Variants in CSMD1 observed in about 807,000 individuals in gnomAD.
The protein encoded by CSMD1 is CUB and Sushi multiple domains 1, also known as CUB and sushi domain-containing protein 1.
In CSMD1, 213 loss-of-function variants were observed where a neutral mutation model predicts 417.5. The observed-to-expected ratio is 0.51, with a 90% CI of 0.46 to 0.57. The LOEUF is 0.57. CSMD1 is among the 20% of genes least tolerant of loss of function. The probability of loss-of-function intolerance (pLI) is 0.00; values close to 1 mark genes in which losing one functional copy is unlikely to be tolerated. For missense variants in CSMD1, 6,923 were observed against 4,529.7 expected (o/e 1.53, Z -15.17); for synonymous variants, 2,862 against 1,736.8 (o/e 1.65, Z -16.11).
intron 1 of CSMD1, among the ~76,000 whole-genome samples, chr8:4,776,552 A>C (rs982339017): frequency 1.3e-5 from 2 of 152,142 alleles, no homozygotes; most frequent in Non-Finnish European, 2.9e-5. Context: ...GTGAAATTCC[A>C]CTACGGGCTG....
rs571230145 is a variant in CSMD1 at position 3,435,459 on chromosome 8, C to T, written c.1562-25854G>A. ...TATTGAACACATCCCACTCTTAGAC[C>T]ACCACATTCTGTCCAATCCTTTCAG... On this transcript the variant is annotated intron_variant, in intron 12 of 69. Coordinates refer to ENST00000635120, the MANE Select transcript of CSMD1 (RefSeq NM_033225.6). 6.6e-5 allele frequency among the ~76,000 whole-genome samples: 10 copies of T among 152,178 alleles called. No individual in the cohort carries two copies. In the East Asian group the frequency reaches 1.7e-3, roughly 27 times the overall value.
intron 17 of CSMD1, among the ~76,000 whole-genome samples, chr8:3,388,252 AG>A (rs1811134404): frequency 6.6e-6 from 1 of 152,226 alleles, no homozygotes. Context: ...GCCACTTGCA[AG>A]ATAGCTACTA....
chr8:3,502,163 G>C (rs1796629203), intron 10 of CSMD1, among the ~76,000 whole-genome samples: 1 of 151,582 alleles, frequency 6.6e-6, no homozygotes, highest in Non-Finnish European at 1.5e-5. Flanking sequence ...AGGAGATCGA[G>C]ACCATACTGG....
chr8:3,889,926 T>C (rs1806840865), intron 5 of CSMD1, among the ~76,000 whole-genome samples: 1 of 152,154 alleles, frequency 6.6e-6, no homozygotes, highest in Non-Finnish European at 1.5e-5. Context: ...CACATGCCCG[T>C]AGTCTCAGAC....
At chr8:3,636,614 T>C (rs369947277) in intron 7 of CSMD1, among the ~76,000 whole-genome samples, 1 of 152,160 alleles carries the variant, frequency 6.6e-6, no homozygotes, top group South Asian at 2.1e-4. Context: ...TTTCAGGAAA[T>C]GTTTTCTCCC....
intron 12 of CSMD1, among the ~76,000 whole-genome samples, chr8:3,421,887 C>T (rs1044902321): frequency 6.8e-5 from 10 of 146,316 alleles, no homozygotes; most frequent in African/African-American, 1.9e-4. Flanking sequence ...ATCCACCCAC[C>T]TTGGCCGCCC....
rs1462560960 is a variant in CSMD1, at chr8:3,098,755, ACCT to A, written c.6950-1721_6950-1719del. ...CCTGTGTATATCTGTGCAGGCTAGG[ACCT>A]CAAGTTTTAGAAGCTCCACAGACCC... On this transcript the variant is annotated intron_variant, in intron 46 of 69. Coordinates refer to ENST00000635120, the MANE Select transcript of CSMD1 (RefSeq NM_033225.6). Among the ~76,000 whole-genome samples the A allele has an allele frequency of 3.3e-5, 5 of 151,990 alleles. No homozygotes were observed. In the East Asian group the frequency reaches 7.7e-4, roughly 23 times the overall value.
chr8:3,832,202 G>A lies in CSMD1; in HGVS notation c.819-78160C>T, dbSNP rs574460537. On this transcript the variant is annotated intron_variant, in intron 5 of 69. Coordinates refer to ENST00000635120, the MANE Select transcript of CSMD1 (RefSeq NM_033225.6). ...CCGTGGAGGCTGAGTCACGTGGGAT[G>A]GAATAAGCTGTGCCCTGTCCAGACC... Among the ~76,000 whole-genome samples, 5 of 152,246 alleles carry A rather than the reference G, an allele frequency of 3.3e-5. No homozygotes were observed. The East Asian group carries it at 7.7e-4, about 24-fold the overall frequency.
chr8:3,236,702 G>A (rs1201196768), intron 26 of CSMD1, among the ~76,000 whole-genome samples: 3 of 152,122 alleles, frequency 2.0e-5, no homozygotes, highest in Non-Finnish European at 4.4e-5. Flanking sequence ...ATTCTTTTAT[G>A]TGCCACATCA....
intron 18 of CSMD1, among the ~76,000 whole-genome samples, chr8:3,387,202 G>C (rs1811056090): frequency 6.6e-6 from 1 of 152,158 alleles, no homozygotes; most frequent in Non-Finnish European, 1.5e-5. Flanking sequence ...ACCGCCCCAC[G>C]TGCCAGTTTC....
chr8:4,166,324 T>C (rs1234730233), intron 3 of CSMD1, among the ~76,000 whole-genome samples: 2 of 152,164 alleles, frequency 1.3e-5, no homozygotes, highest in Admixed American at 6.6e-5. Flanking sequence ...TTGTAACAGG[T>C]CTATAAAAGA....
intron 41 of CSMD1, among the ~76,000 whole-genome samples, chr8:3,121,281 A>T (rs541673697): frequency 5.6e-4 from 86 of 152,300 alleles, no homozygotes; most frequent in African/African-American, 1.9e-3. Flanking sequence ...TCCTTTATTT[A>T]ACCTTTCAGC....
At chr8:4,076,757 C>G (rs1799842216) in intron 3 of CSMD1, among the ~76,000 whole-genome samples, 2 of 152,134 alleles carry the variant, frequency 1.3e-5, no homozygotes, top group South Asian at 2.1e-4. Flanking sequence ...GGGGAATGAC[C>G]TCACATTTCA....
intron 5 of CSMD1, among the ~76,000 whole-genome samples, chr8:3,874,414 T>G (rs555442631): frequency 3.3e-5 from 5 of 152,306 alleles, no homozygotes; most frequent in African/African-American, 1.2e-4. Flanking sequence ...ATTATAGGTT[T>G]TATCCCTGGA....
rs991349319 is a variant in CSMD1 at position 3,774,804 on chromosome 8, C to G, written c.819-20762G>C. Among the ~76,000 whole-genome samples the G allele has an allele frequency of 3.5e-4, 53 of 152,282 alleles. 1 individual carries two copies. Among genetic ancestry groups the G allele is most frequent in the African/African-American group, 1.2e-3 (51 of 41,556 alleles). On this transcript the variant is annotated intron_variant, in intron 5 of 69. Transcript: ENST00000635120. The stretch of plus-strand genomic sequence containing the variant: ...CACAGTGTCCGTTTTTAAGCCATGA[C>G]TGTGCTGCCCCGTCATTCTCAAGGG...
chr8:3,402,183 G>T (rs112110935), intron 15 of CSMD1, among the ~76,000 whole-genome samples: 161 of 152,196 alleles, frequency 1.1e-3, no homozygotes, highest in African/African-American at 3.8e-3. Flanking sequence ...CAACACTAAG[G>T]TTCTCTAGAC....
At chr8:3,183,381 C>T (rs1353425543) in intron 36 of CSMD1, among the ~76,000 whole-genome samples, 2 of 148,530 alleles carry the variant, frequency 1.3e-5, no homozygotes, top group African/African-American at 5.0e-5. Context: ...TCGGCACCCA[C>T]CGACGTCACG....
In CSMD1 at chr8:3,406,195, G is replaced by C. The variant is rs868531788; in HGVS notation, c.2098C>G (p.Pro700Ala). ...CGTCGTCCGTTTATAGGAATGCCAGGATCATGGCACTCATTCTGACCAAAT... is the reference window on the plus strand; with the variant it reads ...CGTCGTCCGTTTATAGGAATGCCAGCATCATGGCACTCATTCTGACCAAAT... ...TTFGQNECHD[P>A]GIPINGRRFG... Residue 700 changes from proline (P) to alanine (A), a missense_variant, in exon 15 of 70, where the codon CCT (proline) becomes GCT (alanine). Coordinates refer to ENST00000635120, the MANE Select transcript of CSMD1 (RefSeq NM_033225.6). The C allele has an allele frequency of 1.9e-6, 3 of 1,609,814 alleles. No individual in the cohort carries two copies. Among genetic ancestry groups the C allele is most frequent in the South Asian group, 1.1e-5 (1 of 90,458 alleles).
intron 2 of CSMD1, among the ~76,000 whole-genome samples, chr8:4,628,407 C>CAT (rs1554528904): frequency 1.7e-5 from 2 of 114,460 alleles, no homozygotes; most frequent in African/African-American, 6.3e-5. Context: ...CATATATATA[C>CAT]ACATATATAT....
Sources: allele counts gnomAD v4.1 joint callset (sites outside exome capture counted in the v4.1 genomes callset), GRCh38; gene constraint gnomAD v4.1.1; transcripts MANE v1.5; gene names NCBI Gene and HGNC (gene_info 2026-07-23, HGNC 2026-07-21).